Variants in ZNF804A observed in about 807,000 individuals in gnomAD.
ZNF804A encodes zinc finger protein 804A.
Under a neutral mutation model 16.5 loss-of-function variants are expected in ZNF804A, and 2 were observed. That is an observed-to-expected ratio of 0.12 (90% CI 0.05 to 0.38). The LOEUF (loss-of-function observed/expected upper bound fraction) is 0.38. Ranked by LOEUF, ZNF804A falls within the 10% of genes least tolerant of loss-of-function variation. The pLI is 0.99. For synonymous variants in ZNF804A, 534 were observed against 489.6 expected, an observed-to-expected ratio of 1.09 and a Z score of -1.20; for missense variants, 1,473 against 1,390.7, an observed-to-expected ratio of 1.06 and a Z score of -0.94.
At chr2:184,677,846 A>G (rs1692464059) in intron 1 of ZNF804A, among the ~76,000 whole-genome samples, 1 of 152,018 alleles carries the variant, frequency 6.6e-6, no homozygotes, top group Admixed American at 6.6e-5. Flanking sequence ...AAAATTATAT[A>G]ATTTTTATCC....
At chr2:184,610,587 A>C (rs946517617) in intron 1 of ZNF804A, among the ~76,000 whole-genome samples, 1 of 152,170 alleles carries the variant, frequency 6.6e-6, no homozygotes, top group African/African-American at 2.4e-5. Context: ...AAAATGTCTC[A>C]AGTGGCATAA....
intron 1 of ZNF804A, among the ~76,000 whole-genome samples, chr2:184,790,765 G>A (rs1000070697): frequency 8.6e-5 from 13 of 151,796 alleles, no homozygotes; most frequent in African/African-American, 1.9e-4. Flanking sequence ...CACAACGCCC[G>A]GCTAATTTTT....
Position 184,937,931 on chromosome 2 carries a change from G to A in ZNF804A, c.2535G>A (p.Leu845=), listed in dbSNP as rs369715738. 24 of 1,613,834 alleles carry A rather than the reference G, an allele frequency of 1.5e-5. No homozygotes were observed. The African/African-American group carries it at 2.9e-4, about 20-fold the overall frequency. The part of the protein sequence containing the change: ...PVKDNSSLNP[L]DRLISEDKKE... ...AAGACAATTCTTCCTTAAATCCTCT[G>A]GATAGGTTAATAAGTGAAGACAAAA... The change falls in exon 4 of 4, where the codon CTG becomes CTA. Residue 845 remains leucine (L), a synonymous_variant. Transcript: ENST00000302277.
At chr2:184,805,366 A>G (rs1001229586) in intron 1 of ZNF804A, among the ~76,000 whole-genome samples, 2 of 152,150 alleles carry the variant, frequency 1.3e-5, no homozygotes, top group Non-Finnish European at 2.9e-5. Context: ...ATAATGTCTT[A>G]GTACTGTATA....
chr2:184,821,364 C>T (rs1695079052), intron 1 of ZNF804A, among the ~76,000 whole-genome samples: 1 of 151,964 alleles, frequency 6.6e-6, no homozygotes, highest in Non-Finnish European at 1.5e-5. Context: ...TAGCCATATG[C>T]AGAAAATTTA....
At chr2:184,916,614 C>T (rs1574269517) in intron 2 of ZNF804A, among the ~76,000 whole-genome samples, 1 of 152,116 alleles carries the variant, frequency 6.6e-6, no homozygotes, top group Non-Finnish European at 1.5e-5. Flanking sequence ...CTTTGGGAGG[C>T]CAAGGCGGGT....
At chr2:184,868,519 C>T (rs986348191) in intron 2 of ZNF804A, among the ~76,000 whole-genome samples, 1 of 151,848 alleles carries the variant, frequency 6.6e-6, no homozygotes, top group Non-Finnish European at 1.5e-5. Flanking sequence ...GAAAAAAATG[C>T]CTAATGTCTG....
chr2:184,715,151 A>G (rs979155151), intron 1 of ZNF804A, among the ~76,000 whole-genome samples: 2 of 152,124 alleles, frequency 1.3e-5, no homozygotes, highest in South Asian at 4.1e-4. Context: ...AGTCTTCAGG[A>G]TTCAAGATTC....
intron 1 of ZNF804A, among the ~76,000 whole-genome samples, chr2:184,827,578 C>T (rs1274055544): frequency 6.7e-6 from 1 of 150,088 alleles, no homozygotes; most frequent in East Asian, 1.9e-4. Flanking sequence ...TGCTCCTTTG[C>T]TGTCAATCTT....
At chr2:184,652,465 G>A (rs772083368) in intron 1 of ZNF804A, among the ~76,000 whole-genome samples, 1 of 152,002 alleles carries the variant, frequency 6.6e-6, no homozygotes, top group Non-Finnish European at 1.5e-5. Context: ...AGGTAAAATT[G>A]TATTTAAATA....
chr2:184,738,817 C>T (rs574471537), intron 1 of ZNF804A, among the ~76,000 whole-genome samples: 1 of 152,244 alleles, frequency 6.6e-6, no homozygotes, highest in South Asian at 2.1e-4. Context: ...GTCTACAAAG[C>T]ATATAAAAGA....
intron 2 of ZNF804A, among the ~76,000 whole-genome samples, chr2:184,904,242 AAAC>A (rs1216793329): frequency 1.3e-5 from 2 of 152,096 alleles, no homozygotes; most frequent in East Asian, 1.9e-4. Context: ...ACAGCAAAGG[AAAC>A]AACATTAATA....
intron 1 of ZNF804A, among the ~76,000 whole-genome samples, chr2:184,600,264 C>T (rs560670430): frequency 1.3e-5 from 2 of 152,304 alleles, no homozygotes; most frequent in East Asian, 1.9e-4. Flanking sequence ...GAAAAGTTCT[C>T]ATCTAAAGTT....
chr2:184,632,171 A>C (rs1691622585), intron 1 of ZNF804A, among the ~76,000 whole-genome samples: 1 of 152,122 alleles, frequency 6.6e-6, no homozygotes, highest in African/African-American at 2.4e-5. Context: ...GAAAATAAGA[A>C]GTGTCTTTCA....
intron 2 of ZNF804A, among the ~76,000 whole-genome samples, chr2:184,911,876 T>G (rs973563893): frequency 2.0e-5 from 3 of 151,982 alleles, no homozygotes; most frequent in Non-Finnish European, 4.4e-5. Context: ...TTCCTACAAT[T>G]TTCCCTTTGA....
At chr2:184,760,923 A>G (rs1024174336) in intron 1 of ZNF804A, among the ~76,000 whole-genome samples, 1 of 152,144 alleles carries the variant, frequency 6.6e-6, no homozygotes, top group Admixed American at 6.6e-5. Context: ...TAAAAGGTTT[A>G]ATTCACCGGC....
In ZNF804A at chr2:184,622,353, G is replaced by A. The variant is rs147899723; in HGVS notation, c.111+23283G>A. 7.8e-4 allele frequency among the ~76,000 whole-genome samples: 117 copies of A among 149,686 alleles called. 2 individuals carry two copies. Among genetic ancestry groups the A allele is most frequent in the African/African-American group, 2.7e-3 (111 of 40,488 alleles). ...GGTTTTTCGATTGCTTTCTTTAAAT[G>A]TTTGAATTGTAATCAAAGATTGAGT... On this transcript the variant is annotated intron_variant, in intron 1 of 3. Transcript: ENST00000302277.
intron 2 of ZNF804A, among the ~76,000 whole-genome samples, chr2:184,903,867 C>G (rs1444566832): frequency 6.6e-6 from 1 of 151,914 alleles, no homozygotes; most frequent in Non-Finnish European, 1.5e-5. Context: ...TTCTTTATTA[C>G]TTTTGTGCAT....
intron 2 of ZNF804A, among the ~76,000 whole-genome samples, chr2:184,914,432 A>T (rs575930117): frequency 1.3e-5 from 2 of 152,266 alleles, no homozygotes; most frequent in East Asian, 1.9e-4. Flanking sequence ...GTATTTAGGA[A>T]AATCCCAGTT....
Sources: gnomAD v4.1 joint callset for allele counts (sites outside exome capture counted in the v4.1 genomes callset) on GRCh38, gnomAD v4.1.1 for gene constraint, MANE v1.5 for transcripts, NCBI Gene and HGNC (gene_info 2026-07-23, HGNC 2026-07-21) for gene names.